CNTN5: variants seen among roughly 807,000 people sequenced by gnomAD.
CNTN5 encodes the protein contactin 5, also known as contactin-5.
A neutral mutation model predicts 129.1 loss-of-function variants in CNTN5; 77 were observed. The ratio of observed to expected loss-of-function variants is 0.60; its 90% CI spans 0.50 to 0.72. CNTN5 has a LOEUF of 0.72. CNTN5 is among the 30% of genes least tolerant of loss of function. The pLI is 0.00. For missense variants in CNTN5, 1,478 were observed against 1,328.8 expected, an observed-to-expected ratio of 1.11 and a Z score of -1.75; for synonymous variants, 509 against 465.6, an observed-to-expected ratio of 1.09 and a Z score of -1.20.
intron 1 of CNTN5, among the ~76,000 whole-genome samples, chr11:99,108,652 C>A (rs973453040): frequency 6.6e-6 from 1 of 152,078 alleles, no homozygotes; most frequent in African/African-American, 2.4e-5. Flanking sequence ...AATATTCTAT[C>A]TTTCATGGAT....
intron 3 of CNTN5, among the ~76,000 whole-genome samples, chr11:99,756,505 G>A (rs543121126): frequency 2.6e-5 from 4 of 152,160 alleles, no homozygotes; most frequent in South Asian, 2.1e-4. Flanking sequence ...GTCACAAATC[G>A]AAGCACAATG....
At chr11:99,740,553 T>C (rs72985886) in intron 3 of CNTN5, among the ~76,000 whole-genome samples, 38,262 of 152,056 alleles carry the variant, frequency 0.25, 5,272 homozygotes, top group Admixed American at 0.37. Context: ...ATCTGGCTCC[T>C]AGGGAGATTT....
At chr11:99,049,416 A>G (rs1254672224) in intron 1 of CNTN5, among the ~76,000 whole-genome samples, 9 of 152,166 alleles carry the variant, frequency 5.9e-5, no homozygotes, top group Non-Finnish European at 1.2e-4. Flanking sequence ...ACTACAGTCC[A>G]TGGTTACCCT....
chr11:99,227,439 G>A (rs917529837), intron 1 of CNTN5, among the ~76,000 whole-genome samples: 1 of 151,676 alleles, frequency 6.6e-6, no homozygotes. Context: ...ATCGTGTAGA[G>A]GAAATTATGT....
chr11:99,431,892 G>A (rs547513368), intron 2 of CNTN5, among the ~76,000 whole-genome samples: 1 of 152,116 alleles, frequency 6.6e-6, no homozygotes, highest in African/African-American at 2.4e-5. Flanking sequence ...CCACATGTGA[G>A]GACTTGAGTA....
intron 3 of CNTN5, among the ~76,000 whole-genome samples, chr11:99,716,229 G>A (rs913274394): frequency 3.9e-5 from 6 of 151,948 alleles, no homozygotes; most frequent in African/African-American, 1.4e-4. Context: ...TTGGAGTACT[G>A]TGCCCAAGGA....
At chr11:99,104,739 A>G (rs1444770987) in intron 1 of CNTN5, among the ~76,000 whole-genome samples, 1 of 152,122 alleles carries the variant, frequency 6.6e-6, no homozygotes, top group African/African-American at 2.4e-5. Context: ...AAAGAAAAAA[A>G]TATTTTTAGA....
intron 3 of CNTN5, among the ~76,000 whole-genome samples, chr11:99,620,027 A>AAAAAAAAAAACCAAAAAG (rs1555049928): frequency 1.5e-4 from 19 of 129,046 alleles, no homozygotes; most frequent in Non-Finnish European, 2.9e-4. Context: ...CTCCGTCTCA[A>AAAAAAAAAAACCAAAAAG]AAAAAAAAAA....
At chr11:99,919,056 G>A (rs1208540507) in intron 7 of CNTN5, among the ~76,000 whole-genome samples, 1 of 152,084 alleles carries the variant, frequency 6.6e-6, no homozygotes, top group East Asian at 1.9e-4. Flanking sequence ...CTGCATTAAG[G>A]ATAAAAACCC....
Position 99,442,181 on chromosome 11 carries a change from T to TA in CNTN5, c.-70-113964_-70-113963insA, listed in dbSNP as rs201720152. On this transcript the variant is annotated intron_variant, in intron 2 of 24. Transcript: ENST00000524871. ...CCCATAGCTATGAGGGCTATATATA[T>TA]TTTTTTTTTAAGATGGAGTCTTGCT... is the stretch of plus-strand genomic sequence containing the variant. Among the ~76,000 whole-genome samples the TA allele has an allele frequency of 4.2e-3, 641 of 151,748 alleles. 2 individuals are homozygous for TA. Among genetic ancestry groups the TA allele is most frequent in the East Asian group, 0.021 (106 of 5,164 alleles).
intron 3 of CNTN5, among the ~76,000 whole-genome samples, chr11:99,778,664 A>C (rs1310125825): frequency 6.6e-6 from 1 of 151,812 alleles, no homozygotes; most frequent in Non-Finnish European, 1.5e-5. Context: ...TGAGAAAGCA[A>C]CCAGATACTT....
intron 1 of CNTN5, among the ~76,000 whole-genome samples, chr11:99,042,365 CTTTT>C (rs1210153589): frequency 3.6e-5 from 3 of 83,798 alleles, no homozygotes; most frequent in African/African-American, 1.5e-4. Context: ...TCTTCTTCTT[CTTTT>C]TTTTTTTTTT....
chr11:99,471,195 A>G (rs1454029578), intron 2 of CNTN5, among the ~76,000 whole-genome samples: 15 of 152,140 alleles, frequency 9.9e-5, no homozygotes, highest in African/African-American at 3.4e-4. Context: ...TTAAACAGCA[A>G]TAAAAGGTAA....
At chr11:99,911,556 G>A (rs1949659765) in intron 6 of CNTN5, among the ~76,000 whole-genome samples, 1 of 151,820 alleles carries the variant, frequency 6.6e-6, no homozygotes, top group African/African-American at 2.4e-5. Context: ...ACATACGTAA[G>A]ATACAAGATC....
chr11:99,390,192 A>G (rs1941186104), intron 2 of CNTN5, among the ~76,000 whole-genome samples: 1 of 151,580 alleles, frequency 6.6e-6, no homozygotes. Context: ...ATCATAGCTT[A>G]CTGTAACCTT....
intron 4 of CNTN5, among the ~76,000 whole-genome samples, chr11:99,841,779 A>ATT (rs1244440808): frequency 6.7e-4 from 2 of 2,966 alleles, no homozygotes; most frequent in African/African-American, 3.2e-3. Context: ...CAGGTTTGAC[A>ATT]TTTATATATA....
intron 7 of CNTN5, among the ~76,000 whole-genome samples, chr11:99,932,202 T>G (rs1950208296): frequency 6.6e-6 from 1 of 152,180 alleles, no homozygotes; most frequent in South Asian, 2.1e-4. Context: ...TTTTATTTTA[T>G]TTTTTTGAGA....
chr11:99,153,477 T>C (rs1860172266), intron 1 of CNTN5, among the ~76,000 whole-genome samples: 1 of 150,736 alleles, frequency 6.6e-6, no homozygotes, highest in East Asian at 2.0e-4. Flanking sequence ...TTTTCAGCTC[T>C]ATCAGATCAG....
chr11:99,808,925 C>T (rs533296553), intron 3 of CNTN5, among the ~76,000 whole-genome samples: 1 of 152,090 alleles, frequency 6.6e-6, no homozygotes. Context: ...CAGTAACGGA[C>T]AGCTAAAGAT....
Sources: allele counts gnomAD v4.1 joint callset (sites outside exome capture counted in the v4.1 genomes callset), GRCh38; gene constraint gnomAD v4.1.1; transcripts MANE v1.5; gene names NCBI Gene and HGNC (gene_info 2026-07-23, HGNC 2026-07-21).